FNDC3A: variants seen among roughly 807,000 people sequenced by gnomAD.
FNDC3A encodes fibronectin type III domain containing 3A, also known as fibronectin type-III domain-containing protein 3A.
A neutral mutation model predicts 148.9 loss-of-function variants in FNDC3A; 32 were observed. The ratio of observed to expected loss-of-function variants is 0.21; its 90% CI spans 0.16 to 0.29. The LOEUF is 0.29. Ranked by LOEUF, FNDC3A falls within the 10% of genes least tolerant of loss-of-function variation. The pLI is 1.00. For synonymous variants in FNDC3A, 472 were observed against 473.6 expected (o/e 1.00, Z 0.04); for missense variants, 1,191 against 1,452.8 (o/e 0.82, Z 2.93).
intron 2 of FNDC3A, among the ~76,000 whole-genome samples, chr13:49,053,893 A>G (rs1258150114): frequency 1.3e-5 from 2 of 152,232 alleles, no homozygotes; most frequent in African/African-American, 4.8e-5. Flanking sequence ...TTGTAGGGCC[A>G]TTGCAAAATA....
chr13:49,042,879 T>TC (rs1429335692), intron 2 of FNDC3A, among the ~76,000 whole-genome samples: 4 of 152,228 alleles, frequency 2.6e-5, no homozygotes, highest in Non-Finnish European at 5.9e-5. Context: ...TGGTTACAGT[T>TC]CGTTTCTGTT....
intron 2 of FNDC3A, chr13:49,044,304 C>T (rs1213265326): frequency 5.9e-6 from 1 of 170,652 alleles, no homozygotes; most frequent in Non-Finnish European, 1.3e-5. Context: ...ATTCCATGCT[C>T]CCCATAAGGT....
chr13:49,129,475 TTGTGACAGATAC>T (rs1210253314), intron 4 of FNDC3A, among the ~76,000 whole-genome samples: 1 of 152,202 alleles, frequency 6.6e-6, no homozygotes, highest in East Asian at 1.9e-4. Context: ...GAAATGAGTA[TTGTGACAGATAC>T]TGTGATTTGG....
intron 5 of FNDC3A, among the ~76,000 whole-genome samples, chr13:49,132,421 C>T (rs577106509): frequency 2.8e-4 from 42 of 152,128 alleles, no homozygotes; most frequent in Non-Finnish European, 5.4e-4. Context: ...TGTTTTAGGA[C>T]GGATAAGTCT....
chr13:49,047,494 T>C (rs112859008), intron 2 of FNDC3A, among the ~76,000 whole-genome samples: 98 of 152,332 alleles, frequency 6.4e-4, no homozygotes, highest in African/African-American at 2.0e-3. Context: ...CCATTCTTGC[T>C]GGAGTCAGTT....
intron 3 of FNDC3A, among the ~76,000 whole-genome samples, chr13:49,092,091 A>G (rs1879229027): frequency 6.6e-6 from 1 of 152,186 alleles, no homozygotes; most frequent in Non-Finnish European, 1.5e-5. Context: ...GGGCCTGCCA[A>G]AGGCTCCAAA....
intron 16 of FNDC3A, chr13:49,187,463 A>G (rs1385496941): frequency 4.9e-6 from 7 of 1,432,514 alleles, no homozygotes; most frequent in Non-Finnish European, 5.9e-6. Context: ...CTGTTAATGG[A>G]TGAACTGAAA....
chr13:49,201,767 A>G, intron 23 of FNDC3A, 33 bp from the exon 24 acceptor site: 1 of 1,131,292 alleles, frequency 8.8e-7, no homozygotes, highest in Non-Finnish European at 1.2e-6. Context: ...ATAAGGTAGT[A>G]TAAGGTTTAT....
At chr13:49,141,426 T>C (rs1481808621) in intron 7 of FNDC3A, among the ~76,000 whole-genome samples, 2 of 152,194 alleles carry the variant, frequency 1.3e-5, no homozygotes, top group African/African-American at 4.8e-5. Context: ...TCCCTTTACC[T>C]TTTTGTGGTT....
intron 2 of FNDC3A, among the ~76,000 whole-genome samples, chr13:49,028,208 C>G (rs377162010): frequency 7.9e-5 from 12 of 151,222 alleles, no homozygotes; most frequent in African/African-American, 2.4e-4. Context: ...GAGTGAGACT[C>G]TGTCTTAAAA....
chr13:49,163,018 C>T (rs1424757589), intron 8 of FNDC3A, among the ~76,000 whole-genome samples: 1 of 152,166 alleles, frequency 6.6e-6, no homozygotes, highest in Non-Finnish European at 1.5e-5. Flanking sequence ...CTCAGAGGGG[C>T]ACCCAGCTGT....
Position 49,198,367 on chromosome 13 carries a change from G to A in FNDC3A, c.2780G>A (p.Arg927Gln), listed in dbSNP as rs1463970012. The A allele has an allele frequency of 1.9e-6, 3 of 1,613,804 alleles. No homozygotes were observed. The highest frequency in any genetic ancestry group is 3.3e-5 in the Admixed American group (2 of 59,984). The change falls in exon 23 of 26, where the codon CGA becomes CAA. Residue 927 changes from arginine (R) to glutamine (Q), a missense_variant. By Grantham distance (43) the Arg-to-Gln change is conservative. Around this residue, in one of 3 missense-constraint regions of FNDC3A, gnomAD observed 751 missense variants for 944.0 expected, o/e 0.80. Transcript: ENST00000492622. Reference protein sequence around the residue: ...NLQPDTTYRIRIQALNSLGAG... With the variant: ...NLQPDTTYRIQIQALNSLGAG... ...TTTTCTTATGTGGCACTTAGAATAC[G>A]AATTCAAGCCTTGAATAGCCTTGGA...
intron 2 of FNDC3A, among the ~76,000 whole-genome samples, chr13:49,008,309 G>T (rs974726391): frequency 5.9e-5 from 9 of 152,090 alleles, no homozygotes; most frequent in Admixed American, 6.6e-5. Flanking sequence ...ATAATTAGAG[G>T]TGGGAGCGCA....
At chr13:48,989,128 A>G (rs1951862014) in intron 1 of FNDC3A, among the ~76,000 whole-genome samples, 1 of 152,206 alleles carries the variant, frequency 6.6e-6, no homozygotes. Context: ...GTAGTGGGGA[A>G]AAATTAATTA....
At chr13:49,013,732 T>G (rs1195045032) in intron 2 of FNDC3A, among the ~76,000 whole-genome samples, 1 of 138,454 alleles carries the variant, frequency 7.2e-6, no homozygotes, top group Non-Finnish European at 1.6e-5. Flanking sequence ...TATCTCCCAA[T>G]GCTATCCCTC....
chr13:49,013,857 T>C (rs1290990066), intron 2 of FNDC3A, among the ~76,000 whole-genome samples: 2 of 151,376 alleles, frequency 1.3e-5, no homozygotes, highest in African/African-American at 4.8e-5. Context: ...GTTTGGTTTT[T>C]TGTTCTTGCA....
chr13:49,075,825 C>CCCCCCCCCCCCCCCCCCCCCCCT (rs1593555218), intron 3 of FNDC3A, among the ~76,000 whole-genome samples: 1 of 146,314 alleles, frequency 6.8e-6, no homozygotes, highest in African/African-American at 2.5e-5. Context: ...ACCCCCACCC[C>CCCCCCCCCCCCCCCCCCCCCCCT]CCCTTTCAGA....
At chr13:49,106,589 G>C (rs1356952816) in intron 3 of FNDC3A, among the ~76,000 whole-genome samples, 3 of 152,130 alleles carry the variant, frequency 2.0e-5, no homozygotes, top group African/African-American at 7.2e-5. Flanking sequence ...GGCATTACAG[G>C]CGCGAAGCAG....
chr13:49,082,682 G>C (rs1320375932), intron 3 of FNDC3A, among the ~76,000 whole-genome samples: 7 of 152,032 alleles, frequency 4.6e-5, no homozygotes, highest in East Asian at 1.9e-4. Flanking sequence ...TAGGATGTCA[G>C]AGCCCTAATT....
Sources: allele counts gnomAD v4.1 joint callset (sites outside exome capture counted in the v4.1 genomes callset), GRCh38; gene constraint gnomAD v4.1.1; regional missense constraint gnomAD v4.1.1; transcripts MANE v1.5; gene names NCBI Gene and HGNC (gene_info 2026-07-23, HGNC 2026-07-21).